The following PRELID2 variants were observed in gnomAD, a reference collection of about 807,000 sequenced individuals.
PRELID2 encodes the protein PRELI domain containing 2, also known as PRELI domain-containing protein 2.
A neutral mutation model predicts 28.4 loss-of-function variants in PRELID2; 25 were observed. The ratio of observed to expected loss-of-function variants is 0.88; its 90% CI spans 0.64 to 1.23. PRELID2 has a LOEUF of 1.23. PRELID2 is among the 50% of genes most tolerant of loss of function. PRELID2 has a pLI of 0.00. For synonymous variants in PRELID2, 76 were observed against 71.6 expected (o/e 1.06, Z -0.31); for missense variants, 201 against 214.4 (o/e 0.94, Z 0.39).
intron 1 of PRELID2, among the ~76,000 whole-genome samples, chr5:145,592,752 T>C (rs536364282): frequency 3.2e-4 from 49 of 152,206 alleles, no homozygotes; most frequent in Non-Finnish European, 6.8e-4. Context: ...ATTAAAATTA[T>C]GTTTTAATAA....
At chr5:145,809,321 C>T (rs1753772746) in intron 4 of PRELID2, among the ~76,000 whole-genome samples, 1 of 152,264 alleles carries the variant, frequency 6.6e-6, no homozygotes, top group African/African-American at 2.4e-5. Context: ...GGATTACAGG[C>T]ATGAGCCACC....
At chr5:145,508,257 CAGATAGAT>C (rs58785072) in intron 1 of PRELID2, among the ~76,000 whole-genome samples, 1,501 of 149,596 alleles carry the variant, frequency 0.01, 16 homozygotes, top group African/African-American at 0.027. Flanking sequence ...TTTGCATAGA[CAGATAGAT>C]AGATAGATAG....
At chr5:145,695,746 T>A (rs930672341) in intron 1 of PRELID2, among the ~76,000 whole-genome samples, 1 of 152,110 alleles carries the variant, frequency 6.6e-6, no homozygotes, top group Non-Finnish European at 1.5e-5. Context: ...CCTCACAACA[T>A]GGCAGCTGGC....
At chr5:145,603,141 T>A (rs946283400) in intron 1 of PRELID2, among the ~76,000 whole-genome samples, 1 of 143,238 alleles carries the variant, frequency 7.0e-6, no homozygotes, top group Non-Finnish European at 1.5e-5. Context: ...GTAATTGGAG[T>A]CCTGAAAGAA....
intron 1 of PRELID2, among the ~76,000 whole-genome samples, chr5:145,741,958 TTAAA>T (rs1379080866): frequency 0.013 from 144 of 11,372 alleles, 2 homozygotes; most frequent in South Asian, 0.12. Context: ...TTTATTATAA[TTAAA>T]TAAATAAATT....
chr5:145,636,258 A>G (rs1321134811), intron 1 of PRELID2, among the ~76,000 whole-genome samples: 2 of 152,270 alleles, frequency 1.3e-5, no homozygotes, highest in Non-Finnish European at 2.9e-5. Flanking sequence ...GTAGAAGAGC[A>G]GTAATCAAAC....
intron 1 of PRELID2, among the ~76,000 whole-genome samples, chr5:145,721,837 G>GA (rs1387840551): frequency 2.0e-5 from 3 of 152,030 alleles, no homozygotes; most frequent in Admixed American, 6.6e-5. Flanking sequence ...ATGCCAACCA[G>GA]AAAAACCTTT....
chr5:145,629,379 C>A (rs1414832704), intron 1 of PRELID2, among the ~76,000 whole-genome samples: 2 of 152,148 alleles, frequency 1.3e-5, no homozygotes, highest in East Asian at 3.9e-4. Context: ...GACATTTTGT[C>A]AGTACTTGTG....
chr5:145,545,843 C>CT (rs1272838789), intron 1 of PRELID2, among the ~76,000 whole-genome samples: 5 of 152,108 alleles, frequency 3.3e-5, no homozygotes, highest in Non-Finnish European at 7.4e-5. Flanking sequence ...TGGTAAATAA[C>CT]TTTTTTTAAC....
chr5:145,551,425 TAAA>T (rs1752833033), intron 1 of PRELID2, among the ~76,000 whole-genome samples: 2 of 151,444 alleles, frequency 1.3e-5, no homozygotes, highest in Admixed American at 1.3e-4. Flanking sequence ...AATAAATAAA[TAAA>T]TAAATAAATA....
the PRELID2 span, among the ~76,000 whole-genome samples, chr5:145,399,861 T>C: frequency 6.6e-6 from 1 of 152,092 alleles, no homozygotes; most frequent in Non-Finnish European, 1.5e-5. Context: ...TTCAGGGAAA[T>C]TCCCCCTGGT....
chr5:145,603,884 G>C (rs1025174668), intron 1 of PRELID2, among the ~76,000 whole-genome samples: 1 of 151,920 alleles, frequency 6.6e-6, no homozygotes, highest in South Asian at 2.1e-4. Context: ...CAAAGACTAA[G>C]TAACTTTCAG....
the PRELID2 span, among the ~76,000 whole-genome samples, chr5:145,296,651 T>A: frequency 6.6e-6 from 1 of 152,070 alleles, no homozygotes; most frequent in African/African-American, 2.4e-5. Context: ...GCAATAAACA[T>A]ATGTGTGCAT....
chr5:145,512,199 C>T (rs1752467700), intron 1 of PRELID2, among the ~76,000 whole-genome samples: 1 of 152,090 alleles, frequency 6.6e-6, no homozygotes, highest in Non-Finnish European at 1.5e-5. Context: ...GCTGCAGCTC[C>T]CAGCGAGATC....
intron 1 of PRELID2, among the ~76,000 whole-genome samples, chr5:145,732,907 GA>G (rs1756385974): frequency 6.6e-6 from 1 of 151,840 alleles, no homozygotes; most frequent in East Asian, 1.9e-4. Flanking sequence ...ACCAAGAATT[GA>G]AGAGAATAAT....
the PRELID2 span, among the ~76,000 whole-genome samples, chr5:145,268,750 ACTAT>A: frequency 2.1e-3 from 323 of 152,238 alleles, 2 homozygotes; most frequent in African/African-American, 7.6e-3. Context: ...AAGGAAAATA[ACTAT>A]CTATATTTGT....
chr5:145,414,157 C>T, the PRELID2 span, among the ~76,000 whole-genome samples: 1 of 152,146 alleles, frequency 6.6e-6, no homozygotes, highest in Non-Finnish European at 1.5e-5. Flanking sequence ...CCCTTCCTCC[C>T]TAGTTGGTCA....
chr5:145,255,910 A>AAG, the PRELID2 span, among the ~76,000 whole-genome samples: 3 of 151,738 alleles, frequency 2.0e-5, no homozygotes, highest in African/African-American at 7.3e-5. Flanking sequence ...TACATAAAGA[A>AAG]AGAGAGAGAG....
At chr5:145,753,997 A>G (rs1208844905), downstream of PRELID2, among the ~76,000 whole-genome samples, 2 of 152,088 alleles carry the variant, frequency 1.3e-5, no homozygotes, top group African/African-American at 4.8e-5. Context: ...ACAAGTCAGC[A>G]TGCTACCCTC....
Sources: gnomAD v4.1 joint callset for allele counts (sites outside exome capture counted in the v4.1 genomes callset) on GRCh38, gnomAD v4.1.1 for gene constraint, MANE v1.5 for transcripts, NCBI Gene and HGNC (gene_info 2026-07-23, HGNC 2026-07-21) for gene names.